The following PLEKHM2 variants were observed in gnomAD, a reference collection of about 807,000 sequenced individuals.
The protein encoded by PLEKHM2 is pleckstrin homology domain-containing family M member 2.
A neutral mutation model predicts 116.3 loss-of-function variants in PLEKHM2; 77 were observed. That is an observed-to-expected ratio of 0.66 (90% CI 0.55 to 0.80). The LOEUF is 0.80. Ranked by LOEUF, PLEKHM2 falls within the 30% of genes least tolerant of loss-of-function variation. The pLI is 0.00. For missense variants in PLEKHM2, 1,183 were observed against 1,354.9 expected, an observed-to-expected ratio of 0.87 and a Z score of 1.99; for synonymous variants, 562 against 571.0, an observed-to-expected ratio of 0.98 and a Z score of 0.22.
intron 1 of PLEKHM2, among the ~76,000 whole-genome samples, chr1:15,701,808 A>T (rs996355009): frequency 2.0e-5 from 3 of 152,010 alleles, no homozygotes; most frequent in African/African-American, 7.2e-5. Flanking sequence ...AAAAGAAAAA[A>T]GACCCCAGCC....
Position 15,734,138 on chromosome 1 carries a change from G to A in PLEKHM2, c.*204G>A, listed in dbSNP as rs1242472670. The A allele has an allele frequency of 3.9e-5, 23 of 597,142 alleles. No individual in the cohort carries two copies. Among genetic ancestry groups the A allele is most frequent in the Middle Eastern group, 8.9e-4 (2 of 2,244 alleles). 37.0% of individuals were successfully genotyped at this position (597,142 alleles called of 1,614,324 possible). On this transcript the variant is annotated 3_prime_UTR_variant, in exon 20 of 20. Transcript: ENST00000375799. The stretch of plus-strand genomic sequence containing the variant: ...CCCGGCACCCCTGGGCATCCTGCCC[G>A]ACAGGTAGCGAATGGAGGTCGCTGG...
Position 15,701,113 on chromosome 1 carries a change from C to CAAA in PLEKHM2, c.61-15110_61-15108dup, listed in dbSNP as rs35537871. ...GGGCAACAAGAGTGAAACTCTGTCT[C>CAAA]AAAAAAAAAAAAAAAAGGGGGTGGG... On this transcript the variant is annotated intron_variant, in intron 1 of 19. Coordinates refer to ENST00000375799, the MANE Select transcript of PLEKHM2 (RefSeq NM_015164.4). Among the ~76,000 whole-genome samples the CAAA allele has an allele frequency of 1.1e-3, 93 of 81,772 alleles. 4 individuals carry two copies. Among genetic ancestry groups the CAAA allele is most frequent in the African/African-American group, 4.9e-3 (86 of 17,534 alleles). The allele number at this position is 81,772 out of a possible 152,430, so 53.6% of individuals were successfully genotyped here.
At chr1:15,731,140 TG>T in intron 15 of PLEKHM2, 51 bp from the exon 16 acceptor site, 2 of 1,362,862 alleles carry the variant, frequency 1.5e-6, no homozygotes, top group Non-Finnish European at 2.1e-6. Context: ...GGGCTCCGCC[TG>T]GCCCCAGTTC....
At chr1:15,701,113 CAA>C (rs35537871) in intron 1 of PLEKHM2, among the ~76,000 whole-genome samples, 12 of 81,762 alleles carry the variant, frequency 1.5e-4, no homozygotes, top group East Asian at 6.5e-4. Flanking sequence ...AACTCTGTCT[CAA>C]AAAAAAAAAA....
At chr1:15,700,724 C>T (rs1410096481) in intron 1 of PLEKHM2, among the ~76,000 whole-genome samples, 119 of 152,312 alleles carry the variant, frequency 7.8e-4, no homozygotes, top group Non-Finnish European at 2.9e-5. Flanking sequence ...AATTCCTCAG[C>T]CCTGGCCAGC....
chr1:15,730,615 C>T lies in PLEKHM2; in HGVS notation c.2292C>T (p.His764=), dbSNP rs763769257. 10 of 1,607,956 alleles carry T rather than the reference C, an allele frequency of 6.2e-6. No homozygotes were observed. In the Admixed American group the frequency reaches 1.7e-4, roughly 27 times the overall value. The change falls in exon 15 of 20, where the codon CAC becomes CAT. Residue 764 remains histidine, a synonymous_variant. Transcript: ENST00000375799. ...AGTCCCTGGGCCCCACGCCCTGCCA[C>T]TGCTCACCCCCCGAGGGCACCATCA... ...TDESLGPTPC[H]CSPPEGTITK...
chr1:15,706,703 G>A (rs1312170192), intron 1 of PLEKHM2, among the ~76,000 whole-genome samples: 6 of 152,100 alleles, frequency 3.9e-5, no homozygotes, highest in Non-Finnish European at 7.4e-5. Context: ...CACTGTGCCC[G>A]GCTTTTGTAT....
chr1:15,708,371 C>T lies in PLEKHM2; in HGVS notation c.61-7866C>T, dbSNP rs879278695. ...AGCTGGGGCTACAGGTGCACACCAC[C>T]ACGCCCGGCTAATTTTTGTATTTTT... On this transcript the variant is annotated intron_variant, in intron 1 of 19. Transcript: ENST00000375799. 1.4e-4 allele frequency among the ~76,000 whole-genome samples: 21 copies of T among 151,356 alleles called. 1 individual carries two copies. The highest frequency in any genetic ancestry group is 1.4e-3 in the Admixed American group (21 of 15,142).
chr1:15,704,333 C>T (rs1019331665), intron 1 of PLEKHM2, among the ~76,000 whole-genome samples: 1 of 140,104 alleles, frequency 7.1e-6, no homozygotes, highest in Non-Finnish European at 1.6e-5. Flanking sequence ...TTCCTTTCTT[C>T]CTCTTCCTCT....
rs1222099145 is a variant in PLEKHM2 at position 15,727,320 on chromosome 1, G to A, written c.1248G>A (p.Gln416=). ...AGCCCCTGAGCAAGGTTATCGACCA[G>A]CTCAACGGGCAGCTGGACCCCAGCA... ...LGQPLSKVID[Q]LNGQLDPSTW... Residue 416 remains glutamine, a synonymous_variant, in exon 9 of 20, where the codon CAG becomes CAA. Coordinates refer to ENST00000375799, the MANE Select transcript of PLEKHM2 (RefSeq NM_015164.4). This position sits in a 1 kb window ranked among gnomAD's most constrained non-coding sequence, Gnocchi z 7.5. 1 of 1,599,898 alleles carries A rather than the reference G, an allele frequency of 6.3e-7. No individual in the cohort carries two copies. The highest frequency in any genetic ancestry group is 1.1e-5 in the South Asian group (1 of 88,900).
chr1:15,733,432 C>A (rs1169740903), intron 19 of PLEKHM2, among the ~76,000 whole-genome samples: 1 of 152,252 alleles, frequency 6.6e-6, no homozygotes, highest in East Asian at 1.9e-4. Context: ...CCTGCACAAG[C>A]GGGTTTTGAG....
chr1:15,712,642 AT>A (rs1364724360), intron 1 of PLEKHM2, among the ~76,000 whole-genome samples: 1 of 144,122 alleles, frequency 6.9e-6, no homozygotes, highest in Non-Finnish European at 1.5e-5. Context: ...GCATGATCTT[AT>A]TTTCCTTTTT....
intron 7 of PLEKHM2, among the ~76,000 whole-genome samples, chr1:15,724,258 G>A (rs1193874941): frequency 6.6e-6 from 1 of 152,226 alleles, no homozygotes; most frequent in Non-Finnish European, 1.5e-5. Context: ...GCCGAGGCGG[G>A]CAGATCACGA....
intron 7 of PLEKHM2, among the ~76,000 whole-genome samples, chr1:15,724,344 A>G (rs1050680158): frequency 6.6e-6 from 1 of 152,160 alleles, no homozygotes; most frequent in Non-Finnish European, 1.5e-5. Context: ...TTAGCTGGGC[A>G]TGGTGGCGCA....
intron 7 of PLEKHM2, chr1:15,722,978 G>A (rs1285483389): frequency 6.6e-6 from 1 of 152,136 alleles, no homozygotes; most frequent in Non-Finnish European, 1.5e-5. Context: ...GCTTGCCTCA[G>A]GGCAGGGTGA....
chr1:15,725,737 T>G, intron 8 of PLEKHM2, 192 bp downstream of exon 8: 1 of 588,768 alleles, frequency 1.7e-6, no homozygotes, highest in Non-Finnish European at 3.0e-6. Context: ...TCAGCTCGGC[T>G]GCTGGAACAA....
intron 15 of PLEKHM2, 43 bp downstream of exon 15, chr1:15,730,765 G>A: frequency 1.3e-6 from 2 of 1,512,698 alleles, no homozygotes; most frequent in Admixed American, 2.0e-5. Flanking sequence ...TGGGCCCTGG[G>A]GTGGCTGGGC....
rs941781151 is a variant in PLEKHM2, at chr1:15,732,745, G to A, written c.2922+17G>A. ...ATCTATCAGGTACCCAGCTGCCCAG[G>A]AAACCCATTAGCCAGGGACCCTGTG... On this transcript the variant is annotated intron_variant, in intron 19 of 19. Transcript: ENST00000375799. 2 of 1,544,126 alleles carry A rather than the reference G, an allele frequency of 1.3e-6. No individual in the cohort carries two copies. Among genetic ancestry groups the A allele is most frequent in the South Asian group, 2.3e-5 (2 of 86,638 alleles).
intron 19 of PLEKHM2, 44 bp downstream of exon 19, chr1:15,732,772 A>C: frequency 7.5e-7 from 1 of 1,333,684 alleles, no homozygotes; most frequent in Non-Finnish European, 1.0e-6. Context: ...GACCCTGTGG[A>C]GTGGGAGCCA....
Sources: gnomAD v4.1 joint callset for allele counts (sites outside exome capture counted in the v4.1 genomes callset) on GRCh38, gnomAD v4.1.1 for gene constraint, Gnocchi (gnomAD v3.1) non-coding constraint, MANE v1.5 for transcripts, NCBI Gene and HGNC (gene_info 2026-07-23, HGNC 2026-07-21) for gene names.